The following ST3GAL4 variants were observed in gnomAD, a reference collection of about 807,000 sequenced individuals.
ST3GAL4 encodes CMP-N-acetylneuraminate-beta-galactosamide-alpha-2,3-sialyltransferase 4.
In ST3GAL4, 24 loss-of-function variants were observed where a neutral mutation model predicts 42.6. The observed-to-expected ratio is 0.56, with a 90% CI of 0.41 to 0.79. ST3GAL4 has a LOEUF of 0.79. Among genes scored for constraint, ST3GAL4 ranks in the 30% least tolerant of loss-of-function variants. The pLI is 0.00. For missense variants in ST3GAL4, 311 were observed against 430.8 expected (o/e 0.72, Z 2.46); for synonymous variants, 135 against 163.2 (o/e 0.83, Z 1.32).
intron 9 of ST3GAL4, among the ~76,000 whole-genome samples, chr11:126,413,064 G>T (rs962869681): frequency 6.6e-6 from 1 of 152,124 alleles, no homozygotes; most frequent in Admixed American, 6.5e-5. Context: ...AATGGTAGCC[G>T]CTAGGCACAT....
At chr11:126,413,708 G>C in intron 10 of ST3GAL4, 60 bp downstream of exon 10, 1 of 1,600,926 alleles carries the variant, frequency 6.2e-7, no homozygotes, top group Non-Finnish European at 8.5e-7. Context: ...CAGTCAGAGG[G>C]GCACTGGGTG....
chr11:126,364,063 T>TC (rs1952345206), intron 1 of ST3GAL4, among the ~76,000 whole-genome samples: 2 of 152,184 alleles, frequency 1.3e-5, no homozygotes, highest in Admixed American at 1.3e-4. Context: ...CAAGTGTTTG[T>TC]CCCCCATCTC....
chr11:126,383,083 G>A lies in ST3GAL4; in HGVS notation c.-60-23013G>A, dbSNP rs566214736. On this transcript the variant is annotated intron_variant, in intron 1 of 10. Coordinates refer to ENST00000444328, the MANE Select transcript of ST3GAL4 (RefSeq NM_001254757.2). The surrounding 1 kb of genome is among the most constrained non-coding windows in gnomAD (Gnocchi z 4.5). ...CAGGCCAGGGAGTGCCCTCCATGGGGCAGCAGGCTCTGCAGTACCCTCGGC... is the reference window on the plus strand; with the variant it reads ...CAGGCCAGGGAGTGCCCTCCATGGGACAGCAGGCTCTGCAGTACCCTCGGC... Among the ~76,000 whole-genome samples the A allele has an allele frequency of 7.9e-5, 12 of 152,344 alleles. No homozygotes were observed. The East Asian group carries it at 1.7e-3, about 22-fold the overall frequency.
At chr11:126,404,748 C>T (rs549705093) in intron 1 of ST3GAL4, among the ~76,000 whole-genome samples, 1 of 152,236 alleles carries the variant, frequency 6.6e-6, no homozygotes, top group African/African-American at 2.4e-5. Context: ...TTCTGACTCT[C>T]CTGAGGCAGT....
chr11:126,402,730 G>A (rs1345622497), intron 1 of ST3GAL4, among the ~76,000 whole-genome samples: 1 of 152,192 alleles, frequency 6.6e-6, no homozygotes, highest in African/African-American at 2.4e-5. Flanking sequence ...GAATGCTGGG[G>A]CAGCAGGAGG....
intron 1 of ST3GAL4, among the ~76,000 whole-genome samples, chr11:126,360,195 G>A (rs1360712442): frequency 6.6e-6 from 1 of 152,200 alleles, no homozygotes; most frequent in African/African-American, 2.4e-5. Context: ...AGAGAATTAG[G>A]GGCCAGCCGG....
chr11:126,369,678 T>G (rs1048108952), intron 1 of ST3GAL4, among the ~76,000 whole-genome samples: 2 of 152,240 alleles, frequency 1.3e-5, no homozygotes, highest in African/African-American at 4.8e-5. Flanking sequence ...TTTACATTCC[T>G]TATTTTTTCT....
Position 126,414,574 on chromosome 11 carries a change from G to C in ST3GAL4, c.*527G>C, listed in dbSNP as rs1162834114. On this transcript the variant is annotated 3_prime_UTR_variant, in exon 11 of 11. Coordinates refer to ENST00000444328, the MANE Select transcript of ST3GAL4 (RefSeq NM_001254757.2). Reference sequence around the variant, plus strand: ...AGCACTGGTGTGGGGGTTCCACCGAGAAGGGGACCTCATCTAGAAAAGAGG... The same window carrying C: ...AGCACTGGTGTGGGGGTTCCACCGACAAGGGGACCTCATCTAGAAAAGAGG... 2 of 156,420 alleles carry C rather than the reference G, an allele frequency of 1.3e-5. No individual in the cohort carries two copies. The highest frequency in any genetic ancestry group is 4.8e-5 in the African/African-American group (2 of 41,498). The allele number at this position is 156,420 out of a possible 1,614,324, so 9.7% of individuals were successfully genotyped here. A position where few individuals can be genotyped will look rare whatever the true frequency, so the allele number is the denominator to read the frequency against.
rs1555082244 is a variant in ST3GAL4 at position 126,371,163 on chromosome 11, C to CTTATTTTTTTTTTTTTTTTTTTTT, written c.-61+15323_-61+15324insATTTTTTTTTTTTTTTTTTTTTTT. Among the ~76,000 whole-genome samples, 76 of 59,966 alleles carry CTTATTTTTTTTTTTTTTTTTTTTT rather than the reference C, an allele frequency of 1.3e-3. 8 individuals carry two copies. The highest frequency in any genetic ancestry group is 0.036 in the Middle Eastern group (2 of 56). The allele number at this position is 59,966 out of a possible 152,430, so 39.3% of individuals were successfully genotyped here. A position where few individuals can be genotyped will look rare whatever the true frequency, so the allele number is the denominator to read the frequency against. On this transcript the variant is annotated intron_variant, in intron 1 of 10. Transcript: ENST00000444328. ...ATCTATTCTATTCTTCCCCACATTC[C>CTTATTTTTTTTTTTTTTTTTTTTT]TTTTTTTTTTTTTTTTTTTGAGATG...
Position 126,392,477 on chromosome 11 carries a change from C to A in ST3GAL4, c.-60-13619C>A. ...ATGCATTTGGCAGAAAGTGCGCTGGCTCTGCCAGCTCCCAGTGTGAGCTTC... is the reference window on the plus strand; with the variant it reads ...ATGCATTTGGCAGAAAGTGCGCTGGATCTGCCAGCTCCCAGTGTGAGCTTC... On this transcript the variant is annotated intron_variant, in intron 1 of 10. Coordinates refer to ENST00000444328, the MANE Select transcript of ST3GAL4 (RefSeq NM_001254757.2). This position sits in a 1 kb window ranked among gnomAD's most constrained non-coding sequence, Gnocchi z 5.8. The A allele has an allele frequency of 1.7e-6, 1 of 580,216 alleles. No individual in the cohort carries two copies. The highest frequency in any genetic ancestry group is 2.2e-6 in the Non-Finnish European group (1 of 459,606). The allele number at this position is 580,216 out of a possible 1,614,324, so 35.9% of individuals were successfully genotyped here. A position where few individuals can be genotyped will look rare whatever the true frequency, so the allele number is the denominator to read the frequency against.
In ST3GAL4 at chr11:126,407,276, C is replaced by T. The variant is rs1332298184; in HGVS notation, c.207C>T (p.Phe69=). The change falls in exon 5 of 11, where the codon TTC becomes TTT. Residue 69 remains phenylalanine (F), a synonymous_variant. Coordinates refer to ENST00000444328, the MANE Select transcript of ST3GAL4 (RefSeq NM_001254757.2). Reference sequence around the variant, plus strand: ...GCTACTCCCGGGATCAGCCCATCTTCCTGCGGCTTGAGGATTATTTCTGGG... The same window carrying T: ...GCTACTCCCGGGATCAGCCCATCTTTCTGCGGCTTGAGGATTATTTCTGGG... ...FGNYSRDQPI[F]LRLEDYFWVK... is the part of the protein sequence containing the mutation. 4 of 1,614,232 alleles carry T rather than the reference C, an allele frequency of 2.5e-6. No homozygotes were observed. In the Admixed American group the frequency reaches 5.0e-5, roughly 20 times the overall value.
rs1953532758 is a variant in ST3GAL4 at position 126,391,942 on chromosome 11, TG to T, written c.-60-14153del. Reference sequence around the variant, plus strand: ...ACACCTGTGATAACTTGGTCGTGTGTGTGTGTGTGTGTGTGTGTGTGTGTGT... The same window carrying T: ...ACACCTGTGATAACTTGGTCGTGTGTTGTGTGTGTGTGTGTGTGTGTGTGT... On this transcript the variant is annotated intron_variant, in intron 1 of 10. Coordinates refer to ENST00000444328, the MANE Select transcript of ST3GAL4 (RefSeq NM_001254757.2). This position sits in a 1 kb window ranked among gnomAD's most constrained non-coding sequence, Gnocchi z 5.5. 7.6e-6 allele frequency among the ~76,000 whole-genome samples: 1 copy of T among 131,410 alleles called. No homozygotes were observed. Among genetic ancestry groups the T allele is most frequent in the African/African-American group, 3.1e-5 (1 of 32,598 alleles). 86.2% of individuals were successfully genotyped at this position (131,410 alleles called of 152,430 possible).
rs781225308 is a variant in ST3GAL4 at position 126,359,524 on chromosome 11, A to G, written c.-61+3682A>G. Among the ~76,000 whole-genome samples, 1 of 152,156 alleles carries G rather than the reference A, an allele frequency of 6.6e-6. No individual in the cohort carries two copies. Among genetic ancestry groups the G allele is most frequent in the Non-Finnish European group, 1.5e-5 (1 of 68,030 alleles). The stretch of plus-strand genomic sequence containing the variant: ...CTCAACTGCCCCCTGGAGTTTGCTC[A>G]TTTTGCCCCATGAAGAAACAGATCC... On this transcript the variant is annotated intron_variant, in intron 1 of 10. Transcript: ENST00000444328. The surrounding 1 kb of genome is among the most constrained non-coding windows in gnomAD (Gnocchi z 4.8).
At position 126,366,758 on chromosome 11, in the gene ST3GAL4, T is replaced by TGTTCTG. The variant is rs1565394385; in HGVS notation, c.-61+10919_-61+10924dup. On this transcript the variant is annotated intron_variant, in intron 1 of 10. Coordinates refer to ENST00000444328, the MANE Select transcript of ST3GAL4 (RefSeq NM_001254757.2). The surrounding 1 kb of genome is among the most constrained non-coding windows in gnomAD (Gnocchi z 4.2). ...GGTGTCCGTCTCAGTGCCCAGCAGA[T>TGTTCTG]GTTCTGGTGAGGGGAGGCGGGAGTG... 1.3e-5 allele frequency among the ~76,000 whole-genome samples: 2 copies of TGTTCTG among 152,110 alleles called. No individual in the cohort carries two copies. Among genetic ancestry groups the TGTTCTG allele is most frequent in the African/African-American group, 4.8e-5 (2 of 41,414 alleles).
At chr11:126,390,618 C>CTTTTTTTTTTTTTTTTTCTTTTT (rs1953464533) in intron 1 of ST3GAL4, among the ~76,000 whole-genome samples, 1 of 126,686 alleles carries the variant, frequency 7.9e-6, no homozygotes, top group African/African-American at 3.2e-5. Context: ...GTGTTCTTTG[C>CTTTTTTTTTTTTTTTTTCTTTTT]TTTTTTTTTT....
In ST3GAL4 at chr11:126,393,971, G is replaced by A. The variant is rs1001681127; in HGVS notation, c.-60-12125G>A. Reference sequence around the variant, plus strand: ...TGGGGTACTAAATCTTTGAAATCCGGTGTGTATTTTCCACTTAAAGCACAT... The same window carrying A: ...TGGGGTACTAAATCTTTGAAATCCGATGTGTATTTTCCACTTAAAGCACAT... On this transcript the variant is annotated intron_variant, in intron 1 of 10. Transcript: ENST00000444328. This position sits in a 1 kb window ranked among gnomAD's most constrained non-coding sequence, Gnocchi z 5.9. 3.9e-5 allele frequency among the ~76,000 whole-genome samples: 6 copies of A among 152,312 alleles called. No individual in the cohort carries two copies. The highest frequency in any genetic ancestry group is 2.6e-4 in the Admixed American group (4 of 15,300).
chr11:126,369,264 G>T lies in ST3GAL4; in HGVS notation c.-61+13422G>T, dbSNP rs574647711. Among the ~76,000 whole-genome samples, 9 of 151,916 alleles carry T rather than the reference G, an allele frequency of 5.9e-5. No individual in the cohort carries two copies. The East Asian group carries it at 1.7e-3, about 29-fold the overall frequency. ...TCTCTCTCTCTTTTTTTTGGGGGGG[G>T]GAGGCAGAGTTTTACTCTTGTCGCC... is the stretch of plus-strand genomic sequence containing the variant. On this transcript the variant is annotated intron_variant, in intron 1 of 10. Coordinates refer to ENST00000444328, the MANE Select transcript of ST3GAL4 (RefSeq NM_001254757.2).
At chr11:126,375,709 T>C (rs1328510412) in intron 1 of ST3GAL4, among the ~76,000 whole-genome samples, 1 of 152,162 alleles carries the variant, frequency 6.6e-6, no homozygotes, top group East Asian at 1.9e-4. Context: ...AAACATTCTG[T>C]CACACCTGGG....
Position 126,396,391 on chromosome 11 carries a change from T to G in ST3GAL4, c.-60-9705T>G, listed in dbSNP as rs1169409893. Among the ~76,000 whole-genome samples the G allele has an allele frequency of 6.6e-6, 1 of 151,860 alleles. No homozygotes were observed. Among genetic ancestry groups the G allele is most frequent in the Non-Finnish European group, 1.5e-5 (1 of 67,986 alleles). ...GGAGAGAGTCAGTCCATGCCAGTGG[T>G]GGGATGTGGCTGCAAAAAATGGTCG... On this transcript the variant is annotated intron_variant, in intron 1 of 10. Coordinates refer to ENST00000444328, the MANE Select transcript of ST3GAL4 (RefSeq NM_001254757.2). The surrounding 1 kb of genome is among the most constrained non-coding windows in gnomAD (Gnocchi z 5.8).
Sources: gnomAD v4.1 joint callset for allele counts (sites outside exome capture counted in the v4.1 genomes callset) on GRCh38, gnomAD v4.1.1 for gene constraint, Gnocchi (gnomAD v3.1) non-coding constraint, MANE v1.5 for transcripts, NCBI Gene and HGNC (gene_info 2026-07-23, HGNC 2026-07-21) for gene names.